TTLL7: variants seen among roughly 807,000 people sequenced by gnomAD.
TTLL7 encodes tubulin tyrosine ligase like 7.
A neutral mutation model predicts 120.2 loss-of-function variants in TTLL7; 53 were observed. That is an observed-to-expected ratio of 0.44 (90% CI 0.35 to 0.55). The LOEUF (loss-of-function observed/expected upper bound fraction) is 0.55. Among genes scored for constraint, TTLL7 ranks in the 20% least tolerant of loss-of-function variants. The pLI is 0.00. For missense variants in TTLL7, 803 were observed against 1,054.7 expected (o/e 0.76, Z 3.31); for synonymous variants, 353 against 351.7 (o/e 1.00, Z -0.04).
At position 83,905,295 on chromosome 1, in the gene TTLL7, T is replaced by C. The variant is rs867120392; in HGVS notation, c.2127+1034A>G. 2.1e-4 allele frequency among the ~76,000 whole-genome samples: 32 copies of C among 151,848 alleles called. No individual in the cohort carries two copies. The Middle Eastern group carries it at 0.017, about 81-fold the overall frequency. On this transcript the variant is annotated intron_variant, in intron 17 of 20. Coordinates refer to ENST00000260505, the MANE Select transcript of TTLL7 (RefSeq NM_024686.6). ...AAAATATATATAACAACAAAATATA[T>C]AATAATTGGGGGCTTTGCTTATGAC... is the stretch of plus-strand genomic sequence containing the variant.
chr1:83,906,266 A>G (rs765723560), intron 17 of TTLL7, 63 bp downstream of exon 17: 41 of 1,384,956 alleles, frequency 3.0e-5, no homozygotes, highest in Middle Eastern at 1.8e-4. Flanking sequence ...AATAAATTTT[A>G]ATATTTTAAG....
chr1:83,976,881 A>C (rs1651540459), intron 1 of TTLL7, among the ~76,000 whole-genome samples: 1 of 135,422 alleles, frequency 7.4e-6, no homozygotes, highest in African/African-American at 3.0e-5. Flanking sequence ...AAATTTTTAC[A>C]AAAAAAAAAT....
intron 8 of TTLL7, 120 bp downstream of exon 8, chr1:83,937,732 G>A: frequency 2.7e-6 from 3 of 1,127,582 alleles, no homozygotes; most frequent in Admixed American, 1.9e-5. Context: ...TTTTCTCTCT[G>A]GTCCTCTCAA....
At chr1:83,988,442 T>C (rs1320532140) in intron 1 of TTLL7, among the ~76,000 whole-genome samples, 1 of 152,228 alleles carries the variant, frequency 6.6e-6, no homozygotes, top group Non-Finnish European at 1.5e-5. Context: ...CTGTTTTAAG[T>C]TATTTGAGAA....
rs566452052 is a variant in TTLL7 at position 83,878,518 on chromosome 1, C to T, written c.2543+4445G>A. ...GCAGGCCCTGAACTCCTATTTTATC[C>T]CCTAGGCCCACACAACTGTCAAAAG... On this transcript the variant is annotated intron_variant, in intron 20 of 20. Coordinates refer to ENST00000260505, the MANE Select transcript of TTLL7 (RefSeq NM_024686.6). 5.3e-5 allele frequency among the ~76,000 whole-genome samples: 8 copies of T among 151,966 alleles called. No homozygotes were observed. The South Asian group carries it at 1.7e-3, about 32-fold the overall frequency.
intron 1 of TTLL7, among the ~76,000 whole-genome samples, chr1:83,971,130 T>C (rs1650933007): frequency 6.6e-6 from 1 of 152,052 alleles, no homozygotes; most frequent in African/African-American, 2.4e-5. Context: ...AAACACAGCA[T>C]AATGAAGTAA....
intron 16 of TTLL7, 120 bp downstream of exon 16, chr1:83,907,336 G>A (rs1657276291): frequency 2.4e-6 from 2 of 834,974 alleles, no homozygotes; most frequent in African/African-American, 3.4e-5. Flanking sequence ...CAAATTTCAA[G>A]AGGTCATGAG....
At chr1:83,983,218 C>A (rs1652135287) in intron 1 of TTLL7, among the ~76,000 whole-genome samples, 1 of 152,106 alleles carries the variant, frequency 6.6e-6, no homozygotes, top group South Asian at 2.1e-4. Context: ...GTAGTCCCAG[C>A]TACTCGAGAG....
chr1:83,997,289 C>T (rs184791452), intron 1 of TTLL7, among the ~76,000 whole-genome samples: 1,764 of 152,218 alleles, frequency 0.012, 34 homozygotes, highest in African/African-American at 0.04. Context: ...CAACCTGCCT[C>T]TTGAGACATA....
chr1:83,969,704 A>G lies in TTLL7; in HGVS notation c.-176-17317T>C, dbSNP rs560827851. Among the ~76,000 whole-genome samples, 7 of 152,144 alleles carry G rather than the reference A, an allele frequency of 4.6e-5. No homozygotes were observed. The East Asian group carries it at 1.4e-3, about 29-fold the overall frequency. ...TGTGAAGAAGAATGTATGTCAAGCC[A>G]TTATTAATAATACCTGTAACTGAAA... On this transcript the variant is annotated intron_variant, in intron 1 of 20. Transcript: ENST00000260505.
intron 1 of TTLL7, among the ~76,000 whole-genome samples, chr1:83,959,721 T>TA (rs1315818625): frequency 2.0e-5 from 3 of 151,502 alleles, no homozygotes; most frequent in African/African-American, 2.4e-5. Flanking sequence ...CTATGGATAG[T>TA]AAAAAAATTG....
At chr1:83,892,911 GAAAA>G (rs779305877) in intron 18 of TTLL7, among the ~76,000 whole-genome samples, 1 of 40,934 alleles carries the variant, frequency 2.4e-5, no homozygotes, top group Non-Finnish European at 4.3e-5. Context: ...GAAGGAAAAA[GAAAA>G]AAGAAAGAAA....
chr1:83,898,397 C>T (rs1396734171), intron 18 of TTLL7, among the ~76,000 whole-genome samples: 2 of 151,904 alleles, frequency 1.3e-5, no homozygotes, highest in African/African-American at 2.4e-5. Context: ...CCCTTCAATA[C>T]TTAATGTTGT....
chr1:83,882,925 C>T (rs767628385), intron 20 of TTLL7, 38 bp downstream of exon 20: 11 of 1,589,774 alleles, frequency 6.9e-6, no homozygotes, highest in African/African-American at 4.1e-5. Flanking sequence ...CATTACTTTA[C>T]ATAAAACTCT....
chr1:83,887,272 AT>A, intron 19 of TTLL7: 1 of 1,207,382 alleles, frequency 8.3e-7, no homozygotes, highest in Non-Finnish European at 1.1e-6. Context: ...TTTTTCTAAG[AT>A]TTTACACGTA....
chr1:83,898,866 T>G (rs1656465077), intron 18 of TTLL7, among the ~76,000 whole-genome samples: 1 of 151,954 alleles, frequency 6.6e-6, no homozygotes, highest in Admixed American at 6.6e-5. Context: ...TAATTAATTC[T>G]AATGCTACTT....
chr1:83,890,305 A>G lies in TTLL7; in HGVS notation c.2369+16T>C. ...ATATTAAAAATGACGATAATAAAAG[A>G]TGACTTAGAGCTTACCCTGAATCAC... On this transcript the variant is annotated intron_variant, in intron 19 of 20. Transcript: ENST00000260505. 3 of 1,580,532 alleles carry G rather than the reference A, an allele frequency of 1.9e-6. No homozygotes were observed. The highest frequency in any genetic ancestry group is 2.6e-6 in the Non-Finnish European group (3 of 1,170,076).
At chr1:83,898,530 G>C (rs1420777322) in intron 18 of TTLL7, among the ~76,000 whole-genome samples, 1 of 151,488 alleles carries the variant, frequency 6.6e-6, no homozygotes, top group Non-Finnish European at 1.5e-5. Flanking sequence ...AAGAGGTCTA[G>C]TAACTCTTTC....
intron 18 of TTLL7, 58 bp downstream of exon 18, chr1:83,904,021 T>A: frequency 1.5e-6 from 2 of 1,362,700 alleles, no homozygotes; most frequent in East Asian, 2.3e-5. Flanking sequence ...TTTGGCTTAA[T>A]GATCCTAGCT....
Sources: gnomAD v4.1 joint callset for allele counts (sites outside exome capture counted in the v4.1 genomes callset) on GRCh38, gnomAD v4.1.1 for gene constraint, MANE v1.5 for transcripts, NCBI Gene and HGNC (gene_info 2026-07-23, HGNC 2026-07-21) for gene names.